Variants in NLGN4X observed in about 807,000 individuals in gnomAD.
The protein encoded by NLGN4X is neuroligin-4, X-linked.
A neutral mutation model predicts 40.3 loss-of-function variants in NLGN4X; 3 were observed. That is an observed-to-expected ratio of 0.07 (90% CI 0.03 to 0.19). NLGN4X has a LOEUF of 0.19. Among genes scored for constraint, NLGN4X ranks in the 10% least tolerant of loss-of-function variants. The pLI is 1.00. For synonymous variants in NLGN4X, 270 were observed against 306.8 expected, an observed-to-expected ratio of 0.88 and a Z score of 1.25; for missense variants, 382 against 708.3, an observed-to-expected ratio of 0.54 and a Z score of 5.23.
chrX:5,973,642 G>A (rs955406368), intron 3 of NLGN4X, among the ~76,000 whole-genome samples: 4 of 111,030 alleles, frequency 3.6e-5, no homozygotes, highest in South Asian at 3.9e-4. Context: ...CTACCACGGC[G>A]AAACCCCGTC....
chrX:6,182,588 G>A (rs1921575928), intron 1 of NLGN4X, among the ~76,000 whole-genome samples: 1 of 111,782 alleles, frequency 8.9e-6, no homozygotes, highest in African/African-American at 3.3e-5. Context: ...ACGGCAAAGG[G>A]ACTTTGCAGA....
chrX:6,100,540 G>A (rs189112407), intron 2 of NLGN4X, among the ~76,000 whole-genome samples: 122 of 112,262 alleles, frequency 1.1e-3, no homozygotes, highest in South Asian at 2.2e-3. Flanking sequence ...ATAGCTGCAG[G>A]TAGAGTCCAG....
chrX:6,112,773 C>T (rs1197209924), intron 2 of NLGN4X, among the ~76,000 whole-genome samples: 1 of 109,508 alleles, frequency 9.1e-6, no homozygotes, highest in Non-Finnish European at 1.9e-5. Context: ...GTGTAGGCTG[C>T]ACGTAGTGAC....
chrX:6,154,817 CTT>C (rs2040231218), intron 1 of NLGN4X, among the ~76,000 whole-genome samples: 1 of 111,514 alleles, frequency 9.0e-6, no homozygotes, highest in Non-Finnish European at 1.9e-5. Flanking sequence ...TAATTTATAA[CTT>C]GATTGGGTAT....
chrX:6,158,265 A>G (rs1408579610), intron 1 of NLGN4X, among the ~76,000 whole-genome samples: 1 of 111,730 alleles, frequency 9.0e-6, no homozygotes, highest in Non-Finnish European at 1.9e-5. Context: ...TCAAGAATAT[A>G]GTCAGATAGA....
chrX:6,146,621 A>G (rs1337788960), intron 2 of NLGN4X, among the ~76,000 whole-genome samples: 1 of 110,702 alleles, frequency 9.0e-6, no homozygotes, highest in Non-Finnish European at 1.9e-5. Context: ...TCTTGGGGGA[A>G]AAAGATGATA....
At chrX:6,097,674 TA>T (rs1325116899) in intron 2 of NLGN4X, among the ~76,000 whole-genome samples, 1 of 111,814 alleles carries the variant, frequency 8.9e-6, no homozygotes, top group Admixed American at 9.5e-5. Flanking sequence ...TTATGTATCC[TA>T]AAACAATGCC....
At chrX:6,226,492 G>C (rs1349445256) in intron 1 of NLGN4X, 1 of 111,992 alleles carries the variant, frequency 8.9e-6, no homozygotes, top group Non-Finnish European at 1.9e-5. Context: ...GCTCCGGGAA[G>C]AAAGGGCGCT....
At chrX:6,122,846 G>A (rs2039455707) in intron 2 of NLGN4X, among the ~76,000 whole-genome samples, 1 of 106,537 alleles carries the variant, frequency 9.4e-6, no homozygotes, top group Admixed American at 1.1e-4. Flanking sequence ...GAACTGGAGA[G>A]CACAAAGAAC....
intron 1 of NLGN4X, among the ~76,000 whole-genome samples, chrX:6,176,400 T>A (rs1341542677): frequency 8.9e-6 from 1 of 112,284 alleles, no homozygotes. Context: ...GTCTGCAGAA[T>A]AACGGACCCC....
chrX:6,193,374 A>C (rs1239327598), intron 1 of NLGN4X, among the ~76,000 whole-genome samples: 2 of 84,597 alleles, frequency 2.4e-5, no homozygotes, highest in Non-Finnish European at 4.3e-5. Flanking sequence ...GCGCCACAGC[A>C]CTCCCGCCTG....
chrX:6,227,084 G>C (rs1339225599), intron 1 of NLGN4X: 1 of 112,611 alleles, frequency 8.9e-6, no homozygotes, highest in East Asian at 2.8e-4. Context: ...CTGCCCACTG[G>C]AGTGGGAAGG....
At position 5,892,732 on chromosome X, in the gene NLGN4X, C is replaced by CTCTCTCTTTCCT; in HGVS notation, c.*73_*84dup. The CTCTCTCTTTCCT allele has an allele frequency of 8.7e-7, 1 of 1,152,652 alleles. No individual in the cohort carries two copies. Among genetic ancestry groups the CTCTCTCTTTCCT allele is most frequent in the Non-Finnish European group, 1.2e-6 (1 of 852,241 alleles). 95.0% of individuals were successfully genotyped at this position (1,152,652 alleles called of 1,213,427 possible). A position where few individuals can be genotyped will look rare whatever the true frequency, so the allele number is the denominator to read the frequency against. ...TTCCTGGTCTGGAGACTTTCTTTCT[C>CTCTCTCTTTCCT]TCTCTCTTTCCTTCTCTCTTTCCTT... On this transcript the variant is annotated 3_prime_UTR_variant, in exon 6 of 6. Transcript: ENST00000381095.
chrX:6,089,666 G>A (rs1054649645), intron 2 of NLGN4X, among the ~76,000 whole-genome samples: 22 of 112,341 alleles, frequency 2.0e-4, no homozygotes, highest in Non-Finnish European at 3.4e-4. Flanking sequence ...GTGTTGGGGC[G>A]GATAAGGAGA....
rs2032484571 is a variant in NLGN4X, at chrX:5,911,695, C to G, written c.626-2456G>C. On this transcript the variant is annotated intron_variant, in intron 3 of 5. Coordinates refer to ENST00000381095, the MANE Select transcript of NLGN4X (RefSeq NM_181332.3). ...GCCTGTTTCAGGTACACAATGAATGCAATAATTTTATGCTCTTTAAGAGTA... is the reference window on the plus strand; with the variant it reads ...GCCTGTTTCAGGTACACAATGAATGGAATAATTTTATGCTCTTTAAGAGTA... Among the ~76,000 whole-genome samples, 9 of 111,811 alleles carry G rather than the reference C, an allele frequency of 8.0e-5. No individual in the cohort carries two copies. The South Asian group carries it at 3.4e-3, about 42-fold the overall frequency.
At chrX:6,073,777 T>C (rs974603811) in intron 2 of NLGN4X, among the ~76,000 whole-genome samples, 8 of 111,205 alleles carry the variant, frequency 7.2e-5, no homozygotes, top group Non-Finnish European at 1.3e-4. Flanking sequence ...TTAATACTCT[T>C]GAACTGCACA....
chrX:5,968,457 C>CTG (rs529573810), intron 3 of NLGN4X, among the ~76,000 whole-genome samples: 642 of 46,850 alleles, frequency 0.014, 9 homozygotes, highest in Middle Eastern at 0.029. Context: ...CTCTCTCTCT[C>CTG]TGTGTGTGTG....
intron 3 of NLGN4X, among the ~76,000 whole-genome samples, chrX:5,990,574 C>G (rs1027437046): frequency 7.2e-5 from 8 of 111,874 alleles, no homozygotes; most frequent in African/African-American, 2.6e-4. Context: ...ACACAGCAGC[C>G]AAAATATTCA....
At position 5,969,142 on chromosome X, in the gene NLGN4X, G is replaced by C. The variant is rs946272810; in HGVS notation, c.626-59903C>G. 2.1e-4 allele frequency among the ~76,000 whole-genome samples: 23 copies of C among 110,133 alleles called. 1 individual carries two copies. Among genetic ancestry groups the C allele is most frequent in the East Asian group, 1.4e-3 (5 of 3,488 alleles). ...GGACTTCATGTCTAAAACACCAAAA[G>C]CAATGGCAACAAAAGCCAAAATTGA... On this transcript the variant is annotated intron_variant, in intron 3 of 5. Transcript: ENST00000381095.
Sources: gnomAD v4.1 joint callset for allele counts (sites outside exome capture counted in the v4.1 genomes callset) on GRCh38, gnomAD v4.1.1 for gene constraint, MANE v1.5 for transcripts, NCBI Gene and HGNC (gene_info 2026-07-23, HGNC 2026-07-21) for gene names.